LRMDA: variants seen among roughly 807,000 people sequenced by gnomAD.
The protein encoded by LRMDA is leucine rich melanocyte differentiation associated, also known as leucine-rich melanocyte differentiation-associated protein.
LRMDA carries 18 observed loss-of-function variants against 29.8 expected under a neutral mutation model. The observed-to-expected ratio is 0.60, with a 90% CI of 0.42 to 0.90. LRMDA has a LOEUF of 0.90. Among genes scored for constraint, LRMDA ranks in the 40% least tolerant of loss-of-function variants. The pLI is 0.00. For missense variants in LRMDA, 273 were observed against 273.9 expected (o/e 1.00, Z 0.02); for synonymous variants, 125 against 109.4 (o/e 1.14, Z -0.89).
intron 6 of LRMDA, among the ~76,000 whole-genome samples, chr10:76,502,100 C>T (rs993397963): frequency 6.6e-5 from 10 of 152,108 alleles, no homozygotes; most frequent in Admixed American, 5.2e-4. Context: ...ATCCCAGCAT[C>T]ATTTATTGAA....
chr10:75,476,730 G>A (rs1445648582), intron 2 of LRMDA, among the ~76,000 whole-genome samples: 1 of 152,146 alleles, frequency 6.6e-6, no homozygotes, highest in Non-Finnish European at 1.5e-5. Context: ...CTTGGTGTTT[G>A]TTTATGCTGG....
intron 2 of LRMDA, among the ~76,000 whole-genome samples, chr10:75,957,444 T>C (rs1282113975): frequency 1.1e-4 from 17 of 152,202 alleles, no homozygotes. Context: ...ATTAGGTCAG[T>C]AGAACTGCTG....
intron 2 of LRMDA, among the ~76,000 whole-genome samples, chr10:76,019,608 C>T (rs566588283): frequency 6.6e-6 from 1 of 152,076 alleles, no homozygotes; most frequent in African/African-American, 2.4e-5. Context: ...AAGTAACAAG[C>T]AGAATATGAA....
rs377750792 is a variant in LRMDA, at chr10:76,380,859, TAAC to T, written c.601+56378_601+56380del. 3.2e-3 allele frequency among the ~76,000 whole-genome samples: 493 copies of T among 151,918 alleles called. 2 individuals carry two copies. The highest frequency in any genetic ancestry group is 0.011 in the African/African-American group (453 of 41,488). On this transcript the variant is annotated intron_variant, in intron 6 of 6. Transcript: ENST00000611255. Reference sequence around the variant, plus strand: ...ATTAATTAATGTTAATTGCCACTGTTAACAACCTATTTTTATTTAAATAATAAA... The same window carrying T: ...ATTAATTAATGTTAATTGCCACTGTTAACCTATTTTTATTTAAATAATAAA...
At chr10:75,601,866 T>C (rs1840891064) in intron 2 of LRMDA, among the ~76,000 whole-genome samples, 1 of 152,236 alleles carries the variant, frequency 6.6e-6, no homozygotes, top group African/African-American at 2.4e-5. Context: ...TTTTTCTGAC[T>C]TGACCTTGCT....
chr10:76,030,063 T>C (rs1167101884), intron 2 of LRMDA, among the ~76,000 whole-genome samples: 1 of 152,176 alleles, frequency 6.6e-6, no homozygotes, highest in Non-Finnish European at 1.5e-5. Context: ...GCCAGGCTAC[T>C]TTTTGTGTTT....
chr10:75,498,286 C>T (rs544964775), intron 2 of LRMDA, among the ~76,000 whole-genome samples: 33 of 152,204 alleles, frequency 2.2e-4, no homozygotes, highest in Middle Eastern at 3.4e-3. Context: ...TTTTTTCCCC[C>T]TTTTAAGTTC....
At chr10:76,415,645 T>C in intron 6 of LRMDA, among the ~76,000 whole-genome samples, 1 of 152,120 alleles carries the variant, frequency 6.6e-6, no homozygotes. Flanking sequence ...CAGATTTTTC[T>C]GGAAAAGAAA....
intron 2 of LRMDA, among the ~76,000 whole-genome samples, chr10:75,878,646 G>T (rs1026085956): frequency 2.6e-5 from 4 of 152,066 alleles, no homozygotes; most frequent in Non-Finnish European, 5.9e-5. Context: ...CAACATTTGG[G>T]TGTAAAAACA....
In LRMDA at chr10:76,497,934, C is replaced by T. The variant is rs2132340722; in HGVS notation, c.602-59275C>T. Among the ~76,000 whole-genome samples the T allele has an allele frequency of 2.6e-5, 2 of 75,502 alleles. 1 individual carries two copies. Among genetic ancestry groups the T allele is most frequent in the South Asian group, 7.0e-4 (2 of 2,860 alleles). The allele number at this position is 75,502 out of a possible 152,430, so 49.5% of individuals were successfully genotyped here. A position where few individuals can be genotyped will look rare whatever the true frequency, so the allele number is the denominator to read the frequency against. On this transcript the variant is annotated intron_variant, in intron 6 of 6. Coordinates refer to ENST00000611255, the MANE Select transcript of LRMDA (RefSeq NM_001305581.2). Reference sequence around the variant, plus strand: ...CTTGTTTTATCTCTGAACTGTAACCCTTTGCCCTCAGATGTCATATCTCAC... The same window carrying T: ...CTTGTTTTATCTCTGAACTGTAACCTTTTGCCCTCAGATGTCATATCTCAC...
At chr10:75,897,037 G>T (rs1471394212) in intron 2 of LRMDA, among the ~76,000 whole-genome samples, 3 of 152,160 alleles carry the variant, frequency 2.0e-5, no homozygotes, top group Non-Finnish European at 4.4e-5. Flanking sequence ...ATTTACACTG[G>T]TTATAAATCT....
At chr10:76,319,843 T>C (rs1052528890) in intron 5 of LRMDA, among the ~76,000 whole-genome samples, 4 of 152,032 alleles carry the variant, frequency 2.6e-5, no homozygotes, top group Non-Finnish European at 5.9e-5. Flanking sequence ...TTGAGCTGAG[T>C]GATGGGGAAT....
intron 2 of LRMDA, among the ~76,000 whole-genome samples, chr10:75,816,716 A>C (rs1288149778): frequency 1.3e-5 from 2 of 152,154 alleles, no homozygotes; most frequent in Non-Finnish European, 2.9e-5. Context: ...AACAATGTAA[A>C]ATATAGGGTC....
chr10:76,453,115 G>C (rs1842423402), intron 6 of LRMDA, among the ~76,000 whole-genome samples: 1 of 152,206 alleles, frequency 6.6e-6, no homozygotes, highest in African/African-American at 2.4e-5. Context: ...CTAAAGCACA[G>C]TTAAAGATAG....
intron 2 of LRMDA, among the ~76,000 whole-genome samples, chr10:75,887,202 A>G (rs574995368): frequency 6.6e-6 from 1 of 150,930 alleles, no homozygotes; most frequent in East Asian, 1.9e-4. Flanking sequence ...ATAACAAAAT[A>G]ATATATATGA....
chr10:75,610,831 A>G (rs945238982), intron 2 of LRMDA, among the ~76,000 whole-genome samples: 1 of 152,210 alleles, frequency 6.6e-6, no homozygotes, highest in Non-Finnish European at 1.5e-5. Context: ...GTGAGCTTTC[A>G]TAGCAAACCC....
chr10:75,546,764 C>T (rs1042006993), intron 2 of LRMDA, among the ~76,000 whole-genome samples: 2 of 152,150 alleles, frequency 1.3e-5, no homozygotes. Context: ...TAATAATAAT[C>T]ATTACTGATA....
intron 2 of LRMDA, among the ~76,000 whole-genome samples, chr10:75,703,428 G>A (rs1344802124): frequency 6.6e-6 from 1 of 152,228 alleles, no homozygotes; most frequent in African/African-American, 2.4e-5. Flanking sequence ...GTAATTAGTG[G>A]TGTAATACCT....
chr10:76,485,232 G>A (rs977997514), intron 6 of LRMDA, among the ~76,000 whole-genome samples: 4 of 151,606 alleles, frequency 2.6e-5, no homozygotes, highest in Non-Finnish European at 4.4e-5. Flanking sequence ...TTTTCTGCCT[G>A]CCCTATTTTT....
Sources: gnomAD v4.1 joint callset for allele counts (sites outside exome capture counted in the v4.1 genomes callset) on GRCh38, gnomAD v4.1.1 for gene constraint, MANE v1.5 for transcripts, NCBI Gene and HGNC (gene_info 2026-07-23, HGNC 2026-07-21) for gene names.